The following IL15RA variants were observed in gnomAD, a reference collection of about 807,000 sequenced individuals.
IL15RA encodes the protein interleukin-15 receptor subunit alpha.
A neutral mutation model predicts 24.2 loss-of-function variants in IL15RA; 26 were observed. That is an observed-to-expected ratio of 1.07 (90% CI 0.79 to 1.49). The LOEUF is 1.49. IL15RA is among the 40% of genes most tolerant of loss of function. IL15RA has a pLI of 0.00. For synonymous variants in IL15RA, 166 were observed against 157.6 expected, an observed-to-expected ratio of 1.05 and a Z score of -0.40; for missense variants, 354 against 356.4, an observed-to-expected ratio of 0.99 and a Z score of 0.05.
rs1237697849 is a variant in IL15RA at position 5,970,161 on chromosome 10, CGTT to C, written c.89-3825_89-3823del. Among the ~76,000 whole-genome samples, 2 of 152,106 alleles carry C rather than the reference CGTT, an allele frequency of 1.3e-5. No homozygotes were observed. The highest frequency in any genetic ancestry group is 4.8e-5 in the African/African-American group (2 of 41,406). On this transcript the variant is annotated intron_variant, in intron 1 of 6. Coordinates refer to ENST00000379977, the MANE Select transcript of IL15RA (RefSeq NM_002189.4). This position sits in a 1 kb window ranked among gnomAD's most constrained non-coding sequence, Gnocchi z 4.1. The stretch of plus-strand genomic sequence containing the variant: ...CCTTTGTTGGTTATTAACTATAACT[CGTT>C]GTACTAGTTTAGTGGTTGTTTTAGG...
rs1251841625 is a variant in IL15RA, at chr10:5,968,462, C to T, written c.89-2123G>A. 1 of 336,274 alleles carries T rather than the reference C, an allele frequency of 3.0e-6. No individual in the cohort carries two copies. Among genetic ancestry groups the T allele is most frequent in the African/African-American group, 2.1e-5 (1 of 47,732 alleles). 20.8% of individuals were successfully genotyped at this position (336,274 alleles called of 1,614,324 possible). A position where few individuals can be genotyped will look rare whatever the true frequency, so the allele number is the denominator to read the frequency against. On this transcript the variant is annotated intron_variant, in intron 1 of 6. Coordinates refer to ENST00000379977, the MANE Select transcript of IL15RA (RefSeq NM_002189.4). The surrounding 1 kb of genome is among the most constrained non-coding windows in gnomAD (Gnocchi z 5.4). Reference sequence around the variant, plus strand: ...TCTGCTCACTTCCTGTCTCAGGCATCTATTGTCCAGTGGCCGCCACTACTC... The same window carrying T: ...TCTGCTCACTTCCTGTCTCAGGCATTTATTGTCCAGTGGCCGCCACTACTC...
rs1180156381 is a variant in IL15RA, at chr10:5,971,820, T to C, written c.89-5481A>G. ...CAGCTCACTGCCTGAAACTTGGCAA[T>C]TCTTTTCTTTCTCTCTCAGACTCAT... On this transcript the variant is annotated intron_variant, in intron 1 of 6. Transcript: ENST00000379977. This position sits in a 1 kb window ranked among gnomAD's most constrained non-coding sequence, Gnocchi z 5.5. 6.6e-6 allele frequency among the ~76,000 whole-genome samples: 1 copy of C among 152,228 alleles called. No individual in the cohort carries two copies. Among genetic ancestry groups the C allele is most frequent in the African/African-American group, 2.4e-5 (1 of 41,458 alleles).
In IL15RA at chr10:5,963,796, A is replaced by G; in HGVS notation, c.329T>C (p.Val110Ala). 2 of 1,537,598 alleles carry G rather than the reference A, an allele frequency of 1.3e-6. No individual in the cohort carries two copies. The highest frequency in any genetic ancestry group is 8.7e-7 in the Non-Finnish European group (1 of 1,153,766). Residue 110 changes from valine to alanine, a missense_variant, in exon 3 of 7, where the codon GTA (valine) becomes GCA (alanine). By Grantham distance (64) the Val-to-Ala change is moderately conservative. Coordinates refer to ENST00000379977, the MANE Select transcript of IL15RA (RefSeq NM_002189.4). This position sits in a 1 kb window ranked among gnomAD's most constrained non-coding sequence, Gnocchi z 5.3. ...VHQRPAPPST[V>A]TTAGVTPQPE... ...CTGTGGGGTCACCCCTGCCGTCGTT[A>G]CTGTGGAGGGTGGCGCTGGCCTTTG...
At chr10:5,949,437 G>A (rs1475365706), downstream of IL15RA, 1 of 463,422 alleles carries the variant, frequency 2.2e-6, no homozygotes, top group Non-Finnish European at 4.5e-6. The surrounding 1 kb of genome is among the most constrained non-coding windows in gnomAD (Gnocchi z 4.4). Flanking sequence ...GTGCCTAGCA[G>A]TGTGAGGTGG....
downstream of IL15RA, among the ~76,000 whole-genome samples, chr10:5,951,860 A>G (rs575749292): frequency 6.6e-6 from 1 of 152,070 alleles, no homozygotes; most frequent in East Asian, 1.9e-4. Flanking sequence ...GGGTCTCACT[A>G]TGTTGCCCAG....
At chr10:5,977,733 C>G, upstream of IL15RA, 1 of 1,038,052 alleles carries the variant, frequency 9.6e-7, no homozygotes, top group South Asian at 4.5e-5. Flanking sequence ...CACCCCTGTC[C>G]CCGGGACGCA....
In IL15RA at chr10:5,966,315, G is replaced by C; in HGVS notation, c.113C>G (p.Ser38Cys). Residue 38 changes from serine to cysteine, a missense_variant, in exon 2 of 7, where the codon TCC becomes TGC. By Grantham distance (112) the Ser-to-Cys change is moderately radical. Coordinates refer to ENST00000379977, the MANE Select transcript of IL15RA (RefSeq NM_002189.4). The surrounding 1 kb of genome is among the most constrained non-coding windows in gnomAD (Gnocchi z 6.4). ...TRGITCPPPM[S>C]VEHADIWVKS... is the part of the protein sequence containing the mutation. The stretch of plus-strand genomic sequence containing the variant: ...GACCCAGATGTCTGCGTGTTCCACG[G>C]ACATGGGGGGAGGGCACGTGATGCC... The C allele has an allele frequency of 6.2e-7, 1 of 1,609,770 alleles. No individual in the cohort carries two copies. Among genetic ancestry groups the C allele is most frequent in the Non-Finnish European group, 8.5e-7 (1 of 1,176,288 alleles).
In IL15RA at chr10:5,956,374, C is replaced by T. The variant is rs1834521311; in HGVS notation, c.692+5G>A. ...CTTGCAGAGGGAGTATCCAGTGCAA[C>T]TCACCTTGACTTGAGGTAGCATGCC... On this transcript the variant is annotated splice_donor_5th_base_variant and intron_variant, in intron 6 of 6. Transcript: ENST00000379977. 6.2e-7 allele frequency: 1 copy of T among 1,609,622 alleles called. No individual in the cohort carries two copies. Among genetic ancestry groups the T allele is most frequent in the Non-Finnish European group, 8.5e-7 (1 of 1,175,974 alleles).
At chr10:5,949,188 G>A, downstream of IL15RA, 1 of 471,158 alleles carries the variant, frequency 2.1e-6, no homozygotes. The surrounding 1 kb of genome is among the most constrained non-coding windows in gnomAD (Gnocchi z 4.4). Flanking sequence ...CCCACGCCAG[G>A]AGGAGCCTTG....
At chr10:5,954,060 G>A (rs1159729835) in intron 6 of IL15RA, 1 of 152,008 alleles carries the variant, frequency 6.6e-6, no homozygotes, top group Non-Finnish European at 1.5e-5. Context: ...CAGCCAATTT[G>A]TCAAATGGCA....
In IL15RA at chr10:5,955,843, C is replaced by T. The variant is rs534122340; in HGVS notation, c.692+536G>A. Among the ~76,000 whole-genome samples the T allele has an allele frequency of 2.0e-5, 3 of 152,242 alleles. No individual in the cohort carries two copies. The highest frequency in any genetic ancestry group is 2.9e-5 in the Non-Finnish European group (2 of 68,020). ...GGCCACCTGGTGCACTTTCTCTGGC[C>T]GCCCCATTTCTACCATGAGCAGGGG... is the stretch of plus-strand genomic sequence containing the variant. On this transcript the variant is annotated intron_variant, in intron 6 of 6. Transcript: ENST00000379977. The surrounding 1 kb of genome is among the most constrained non-coding windows in gnomAD (Gnocchi z 5.3).
rs1260354479 is a variant in IL15RA at position 5,958,254 on chromosome 10, A to G, written c.616+1500T>C. The stretch of plus-strand genomic sequence containing the variant: ...CAAACATGGTACAGAAAAGGAGAAA[A>G]GAAGCAACTGTCCAGCATTCCTTAT... On this transcript the variant is annotated intron_variant, in intron 5 of 6. Transcript: ENST00000379977. The surrounding 1 kb of genome is among the most constrained non-coding windows in gnomAD (Gnocchi z 4.3). 2.7e-5 allele frequency: 12 copies of G among 442,102 alleles called. No homozygotes were observed. The highest frequency in any genetic ancestry group is 1.9e-4 in the South Asian group (12 of 62,730). 27.4% of individuals were successfully genotyped at this position (442,102 alleles called of 1,614,324 possible). A position where few individuals can be genotyped will look rare whatever the true frequency, so the allele number is the denominator to read the frequency against.
rs958027577 is a variant in IL15RA at position 5,966,710 on chromosome 10, T to A, written c.89-371A>T. Among the ~76,000 whole-genome samples the A allele has an allele frequency of 2.0e-5, 3 of 152,220 alleles. No individual in the cohort carries two copies. Among genetic ancestry groups the A allele is most frequent in the Admixed American group, 6.5e-5 (1 of 15,288 alleles). On this transcript the variant is annotated intron_variant, in intron 1 of 6. Transcript: ENST00000379977. The surrounding 1 kb of genome is among the most constrained non-coding windows in gnomAD (Gnocchi z 6.4). Reference sequence around the variant, plus strand: ...CTGAACGACAGCAAGTGCCTCCAGATAGGCCCCCTGCAGGCTCTCCCACAG... The same window carrying A: ...CTGAACGACAGCAAGTGCCTCCAGAAAGGCCCCCTGCAGGCTCTCCCACAG...
Position 5,953,010 on chromosome 10 carries a change from T to G in IL15RA, c.*85A>C. The G allele has an allele frequency of 9.8e-7, 1 of 1,018,826 alleles. No homozygotes were observed. Among genetic ancestry groups the G allele is most frequent in the Non-Finnish European group, 1.5e-6 (1 of 656,060 alleles). 63.1% of individuals were successfully genotyped at this position (1,018,826 alleles called of 1,614,324 possible). On this transcript the variant is annotated 3_prime_UTR_variant, in exon 7 of 7. Coordinates refer to ENST00000379977, the MANE Select transcript of IL15RA (RefSeq NM_002189.4). This position sits in a 1 kb window ranked among gnomAD's most constrained non-coding sequence, Gnocchi z 5.3. Reference sequence around the variant, plus strand: ...TGGTGAGCTTGCTCCTGGAGCCCGCTTCCTTGCACCTCTTCTCAGTCGTCT... The same window carrying G: ...TGGTGAGCTTGCTCCTGGAGCCCGCGTCCTTGCACCTCTTCTCAGTCGTCT...
In IL15RA at chr10:5,973,247, T is replaced by A. The variant is rs902148805; in HGVS notation, c.88+4158A>T. ...AGAAGGAGACTTTGCACCTTAGTGA[T>A]ATTGATTTGTCCAACCCATGAACAT... On this transcript the variant is annotated intron_variant, in intron 1 of 6. Coordinates refer to ENST00000379977, the MANE Select transcript of IL15RA (RefSeq NM_002189.4). The surrounding 1 kb of genome is among the most constrained non-coding windows in gnomAD (Gnocchi z 4.5). Among the ~76,000 whole-genome samples, 1 of 152,238 alleles carries A rather than the reference T, an allele frequency of 6.6e-6. No homozygotes were observed. Among genetic ancestry groups the A allele is most frequent in the African/African-American group, 2.4e-5 (1 of 41,462 alleles).
chr10:5,960,920 C>T lies in IL15RA; in HGVS notation c.383-353G>A, dbSNP rs932014884. ...AACACAGCAAGACCCTGTTTCTTTTCCTTCTTTTTTTGAGATGGAATCTTG... is the reference window on the plus strand; with the variant it reads ...AACACAGCAAGACCCTGTTTCTTTTTCTTCTTTTTTTGAGATGGAATCTTG... On this transcript the variant is annotated intron_variant, in intron 3 of 6. Coordinates refer to ENST00000379977, the MANE Select transcript of IL15RA (RefSeq NM_002189.4). The surrounding 1 kb of genome is among the most constrained non-coding windows in gnomAD (Gnocchi z 5.1). 6.6e-6 allele frequency among the ~76,000 whole-genome samples: 1 copy of T among 151,898 alleles called. No individual in the cohort carries two copies. The highest frequency in any genetic ancestry group is 2.4e-5 in the African/African-American group (1 of 41,330).
chr10:5,977,583 C>G (rs8177763), upstream of IL15RA: 1 of 1,256,772 alleles, frequency 8.0e-7, no homozygotes, highest in Non-Finnish European at 1.0e-6. Context: ...GGACCTGCCG[C>G]CCCGCCAGTC....
Position 5,953,195 on chromosome 10 carries a change from G to A in IL15RA, c.704C>T (p.Pro235Leu), listed in dbSNP as rs147420996. The change falls in exon 7 of 7, where the codon CCG becomes CTG. Residue 235 changes from proline (P) to leucine (L), a missense_variant. Coordinates refer to ENST00000379977, the MANE Select transcript of IL15RA (RefSeq NM_002189.4). The surrounding 1 kb of genome is among the most constrained non-coding windows in gnomAD (Gnocchi z 5.3). ...GGCTTCCATTTCAACGCTGGCCAGC[G>A]GGGGAGTTTGCCTGCAAAGCAGGTG... ...ACYLKSRQTP[P>L]LASVEMEAME... 150 of 1,613,672 alleles carry A rather than the reference G, an allele frequency of 9.3e-5. 1 individual carries two copies. Among genetic ancestry groups the A allele is most frequent in the Non-Finnish European group, 5.9e-5 (70 of 1,179,650 alleles).
Position 5,968,053 on chromosome 10 carries a change from T to C in IL15RA, c.89-1714A>G, listed in dbSNP as rs1398580666. 6.6e-6 allele frequency among the ~76,000 whole-genome samples: 1 copy of C among 152,080 alleles called. No homozygotes were observed. Among genetic ancestry groups the C allele is most frequent in the African/African-American group, 2.4e-5 (1 of 41,424 alleles). Reference sequence around the variant, plus strand: ...GAGCCTGGGTGACAGAGCAAGAATCTGTCTCAAACAAACAGAAAACCCCCC... The same window carrying C: ...GAGCCTGGGTGACAGAGCAAGAATCCGTCTCAAACAAACAGAAAACCCCCC... On this transcript the variant is annotated intron_variant, in intron 1 of 6. Transcript: ENST00000379977. This position sits in a 1 kb window ranked among gnomAD's most constrained non-coding sequence, Gnocchi z 5.4.
Sources: allele counts gnomAD v4.1 joint callset (sites outside exome capture counted in the v4.1 genomes callset), GRCh38; gene constraint gnomAD v4.1.1; non-coding constraint Gnocchi (gnomAD v3.1); transcripts MANE v1.5; gene names NCBI Gene and HGNC (gene_info 2026-07-23, HGNC 2026-07-21).